The following CD247 variants were observed in gnomAD, a reference collection of about 807,000 sequenced individuals.
The protein encoded by CD247 is T-cell surface glycoprotein CD3 zeta chain.
CD247 carries 13 observed loss-of-function variants against 30.0 expected under a neutral mutation model. The observed-to-expected ratio is 0.43, with a 90% CI of 0.28 to 0.69. The LOEUF (loss-of-function observed/expected upper bound fraction) is 0.69, where lower values mean the gene tolerates loss of function less well. CD247 is among the 30% of genes least tolerant of loss of function. The pLI, the probability that CD247 is intolerant of heterozygous loss-of-function variation, is 0.16. For synonymous variants in CD247, 72 were observed against 80.0 expected (o/e 0.90, Z 0.53); for missense variants, 193 against 212.6 (o/e 0.91, Z 0.57).
At position 167,432,956 on chromosome 1, in the gene CD247, TG is replaced by T. The variant is rs1231254007; in HGVS notation, c.429+67del. ...GCTGGTGCCACCAGCAGGCAAAATG[TG>T]GGGGCCTTGATCTTGCCCCTTGTCA... On this transcript the variant is annotated intron_variant, in intron 7 of 7. Coordinates refer to ENST00000362089, the MANE Select transcript of CD247 (RefSeq NM_198053.3). 6 of 1,555,198 alleles carry T rather than the reference TG, an allele frequency of 3.9e-6. No homozygotes were observed. The African/African-American group carries it at 4.1e-5, about 11-fold the overall frequency.
chr1:167,511,032 A>T (rs1655366149), intron 1 of CD247, among the ~76,000 whole-genome samples: 1 of 152,244 alleles, frequency 6.6e-6, no homozygotes, highest in South Asian at 2.1e-4. Flanking sequence ...TCCAGTCAAC[A>T]GCACAAGGAT....
intron 1 of CD247, among the ~76,000 whole-genome samples, chr1:167,501,202 G>A (rs1194087232): frequency 6.6e-6 from 1 of 151,840 alleles, no homozygotes; most frequent in East Asian, 1.9e-4. Flanking sequence ...TTACAGGCAT[G>A]CCACCACACC....
At chr1:167,464,074 T>C (rs1653136974) in intron 1 of CD247, among the ~76,000 whole-genome samples, 2 of 152,006 alleles carry the variant, frequency 1.3e-5, no homozygotes, top group East Asian at 1.9e-4. Context: ...TGGAAAGTGT[T>C]GTGTGTTTGA....
intron 2 of CD247, 51 bp from the exon 3 acceptor site, chr1:167,439,451 G>A (rs769555547): frequency 1.2e-5 from 19 of 1,574,368 alleles, no homozygotes; most frequent in African/African-American, 2.7e-5. Flanking sequence ...GCGCGCAGGG[G>A]AGCCGGGGTG....
chr1:167,455,930 G>T (rs887540208), intron 1 of CD247, among the ~76,000 whole-genome samples: 2 of 152,142 alleles, frequency 1.3e-5, no homozygotes, highest in African/African-American at 4.8e-5. Flanking sequence ...GGCGACAGTG[G>T]CAAGACTGGG....
At chr1:167,508,696 C>G (rs1312025976) in intron 1 of CD247, among the ~76,000 whole-genome samples, 1 of 152,166 alleles carries the variant, frequency 6.6e-6, no homozygotes, top group East Asian at 1.9e-4. Flanking sequence ...TTCTGAAGCT[C>G]TCTTGGCTGA....
chr1:167,481,707 T>C (rs1364962095), intron 1 of CD247, among the ~76,000 whole-genome samples: 1 of 152,214 alleles, frequency 6.6e-6, no homozygotes, highest in East Asian at 1.9e-4. Flanking sequence ...ATACTCCAGA[T>C]GGAGCCACAT....
At chr1:167,445,789 C>T (rs375964751) in intron 1 of CD247, among the ~76,000 whole-genome samples, 5 of 152,198 alleles carry the variant, frequency 3.3e-5, no homozygotes, top group Non-Finnish European at 5.9e-5. Flanking sequence ...TGAAAATACA[C>T]GCTGGTGCCC....
chr1:167,487,525 T>C (rs1396946745), intron 1 of CD247, among the ~76,000 whole-genome samples: 1 of 152,184 alleles, frequency 6.6e-6, no homozygotes, highest in Admixed American at 6.5e-5. Flanking sequence ...ACTGGCAGCC[T>C]CAGCCTGGCA....
chr1:167,460,824 ATC>A (rs1425203441), intron 1 of CD247, among the ~76,000 whole-genome samples: 1 of 152,044 alleles, frequency 6.6e-6, no homozygotes, highest in Non-Finnish European at 1.5e-5. Flanking sequence ...TCGGGGAGTT[ATC>A]TCTGAGTTAC....
At chr1:167,443,148 C>T (rs1337207919) in intron 1 of CD247, among the ~76,000 whole-genome samples, 1 of 152,210 alleles carries the variant, frequency 6.6e-6, no homozygotes, top group Admixed American at 6.5e-5. Context: ...CTATATCCCC[C>T]AAAGCGCTCT....
rs1654623368 is a variant in CD247 at position 167,494,993 on chromosome 1, A to G, written c.58+23415T>C. ...TCCGAGGAGCAGTGTTGGACCCTCA[A>G]TTCAGACAAAGTGGGAAGGCAGATC... On this transcript the variant is annotated intron_variant, in intron 1 of 7. Transcript: ENST00000362089. The surrounding 1 kb of genome is among the most constrained non-coding windows in gnomAD (Gnocchi z 7.3). Among the ~76,000 whole-genome samples, 1 of 152,190 alleles carries G rather than the reference A, an allele frequency of 6.6e-6. No homozygotes were observed. The highest frequency in any genetic ancestry group is 2.4e-5 in the African/African-American group (1 of 41,440).
chr1:167,503,448 A>G (rs1160878687), intron 1 of CD247, among the ~76,000 whole-genome samples: 1 of 152,208 alleles, frequency 6.6e-6, no homozygotes, highest in Non-Finnish European at 1.5e-5. Context: ...ATTAATTTCC[A>G]TTGCATTGCA....
At position 167,430,855 on chromosome 1, in the gene CD247, G is replaced by A. The variant is rs562536395; in HGVS notation, c.*826C>T. On this transcript the variant is annotated 3_prime_UTR_variant, in exon 8 of 8. Transcript: ENST00000362089. ...GGTCCCATGTGTTGGGTCTTCCTGC[G>A]AGGCCTTCACAAAGATGATTTTGTC... 2.5e-5 allele frequency: 10 copies of A among 398,808 alleles called. No individual in the cohort carries two copies. The South Asian group carries it at 8.9e-4, about 35-fold the overall frequency. The allele number at this position is 398,808 out of a possible 1,614,324, so 24.7% of individuals were successfully genotyped here. A position where few individuals can be genotyped will look rare whatever the true frequency, so the allele number is the denominator to read the frequency against.
chr1:167,498,891 T>G (rs1654798010), intron 1 of CD247, among the ~76,000 whole-genome samples: 1 of 152,196 alleles, frequency 6.6e-6, no homozygotes, highest in Admixed American at 6.5e-5. Context: ...AGTGGTTGCT[T>G]TCTATGGTTT....
intron 1 of CD247, among the ~76,000 whole-genome samples, chr1:167,460,694 G>A (rs1484253764): frequency 6.6e-6 from 1 of 152,128 alleles, no homozygotes; most frequent in Non-Finnish European, 1.5e-5. Flanking sequence ...CACCTATCAA[G>A]TCGTCATTTA....
intron 1 of CD247, among the ~76,000 whole-genome samples, chr1:167,479,989 T>A (rs898149329): frequency 1.4e-4 from 22 of 152,226 alleles, no homozygotes; most frequent in African/African-American, 5.1e-4. Flanking sequence ...TCTAGCTTGC[T>A]GCTGAGAGCG....
intron 1 of CD247, among the ~76,000 whole-genome samples, chr1:167,479,647 A>G (rs1180685802): frequency 1.3e-5 from 2 of 151,796 alleles, no homozygotes; most frequent in African/African-American, 4.8e-5. Context: ...TGGTCACCTC[A>G]CTTTCCACCT....
chr1:167,460,876 C>G (rs1221716915), intron 1 of CD247, among the ~76,000 whole-genome samples: 1 of 152,182 alleles, frequency 6.6e-6, no homozygotes, highest in Non-Finnish European at 1.5e-5. Flanking sequence ...GGACAGGGCA[C>G]ACACATTTGC....
Sources: allele counts gnomAD v4.1 joint callset (sites outside exome capture counted in the v4.1 genomes callset), GRCh38; gene constraint gnomAD v4.1.1; non-coding constraint Gnocchi (gnomAD v3.1); transcripts MANE v1.5; gene names NCBI Gene and HGNC (gene_info 2026-07-23, HGNC 2026-07-21).